The following SYNE1 variants were observed in gnomAD, a reference collection of about 807,000 sequenced individuals.
SYNE1 encodes nesprin-1.
SYNE1 carries 616 observed loss-of-function variants against 1,111.0 expected under a neutral mutation model. The ratio of observed to expected loss-of-function variants is 0.55; its 90% CI spans 0.52 to 0.59. SYNE1 has a LOEUF of 0.59. Ranked by LOEUF, SYNE1 falls within the 20% of genes least tolerant of loss-of-function variation. The pLI is 0.00. For synonymous variants in SYNE1, 3,855 were observed against 3,825.8 expected, an observed-to-expected ratio of 1.01 and a Z score of -0.28; for missense variants, 10,006 against 10,417.0, an observed-to-expected ratio of 0.96 and a Z score of 1.72.
chr6:152,303,761 T>G (rs896256840), intron 91 of SYNE1, among the ~76,000 whole-genome samples: 1 of 152,230 alleles, frequency 6.6e-6, no homozygotes, highest in African/African-American at 2.4e-5. Flanking sequence ...TAGGGAATAA[T>G]GACAAGAAAA....
At chr6:152,522,829 T>C (rs1325512653) in intron 5 of SYNE1, among the ~76,000 whole-genome samples, 1 of 152,130 alleles carries the variant, frequency 6.6e-6, no homozygotes, top group African/African-American at 2.4e-5. Context: ...TTTTTTCATG[T>C]GTATTACTTA....
intron 56 of SYNE1, among the ~76,000 whole-genome samples, chr6:152,379,207 T>C (rs771295208): frequency 3.9e-4 from 60 of 152,216 alleles, no homozygotes; most frequent in Non-Finnish European, 7.3e-4. Context: ...TCCTAAAGTA[T>C]GTCAGTAGAG....
At chr6:152,384,999 G>T (rs1439278132) in intron 55 of SYNE1, among the ~76,000 whole-genome samples, 3 of 151,950 alleles carry the variant, frequency 2.0e-5, no homozygotes, top group Non-Finnish European at 2.9e-5. Flanking sequence ...TAAATTCCTG[G>T]CCACAATTAC....
chr6:152,389,935 T>C (rs1021173856), intron 53 of SYNE1, among the ~76,000 whole-genome samples: 11 of 152,362 alleles, frequency 7.2e-5, no homozygotes, highest in African/African-American at 2.6e-4. Flanking sequence ...ATTTTCCATA[T>C]GTTCCTTAAG....
intron 119 of SYNE1, among the ~76,000 whole-genome samples, chr6:152,220,557 C>T (rs1202020623): frequency 6.6e-6 from 1 of 152,074 alleles, no homozygotes; most frequent in Non-Finnish European, 1.5e-5. Flanking sequence ...ATATTGACCA[C>T]CCTAGAAAAC....
At chr6:152,386,602 T>C (rs957335571) in intron 54 of SYNE1, among the ~76,000 whole-genome samples, 2 of 152,188 alleles carry the variant, frequency 1.3e-5, no homozygotes, top group Non-Finnish European at 2.9e-5. Context: ...TGGAAAGATA[T>C]TTTTGATATT....
At chr6:152,480,885 G>A (rs1171626170) in intron 14 of SYNE1, 1 of 435,200 alleles carries the variant, frequency 2.3e-6, no homozygotes, top group Non-Finnish European at 4.6e-6. Flanking sequence ...TTCATTTCTG[G>A]TTTCTATGCT....
chr6:152,364,529 C>T (rs2097017346), intron 63 of SYNE1, among the ~76,000 whole-genome samples: 2 of 151,454 alleles, frequency 1.3e-5, no homozygotes, highest in African/African-American at 4.9e-5. Context: ...ACCACATTGG[C>T]ACAGTATTCA....
At chr6:152,588,387 T>C (rs1315195991) in intron 3 of SYNE1, among the ~76,000 whole-genome samples, 2 of 152,218 alleles carry the variant, frequency 1.3e-5, no homozygotes, top group African/African-American at 4.8e-5. Context: ...ATTGAAATGA[T>C]CAGTGATACA....
At chr6:152,606,392 G>A (rs1367012400) in intron 3 of SYNE1, among the ~76,000 whole-genome samples, 1 of 152,144 alleles carries the variant, frequency 6.6e-6, no homozygotes, top group Non-Finnish European at 1.5e-5. Context: ...GGGCAAAATT[G>A]TGGTTACAAC....
intron 5 of SYNE1, among the ~76,000 whole-genome samples, chr6:152,522,555 T>C (rs1278776996): frequency 6.6e-6 from 1 of 152,140 alleles, no homozygotes; most frequent in Non-Finnish European, 1.5e-5. Context: ...TGACTTCTTT[T>C]CCTTTGGGTA....
intron 123 of SYNE1, 25 bp from the exon 124 acceptor site, chr6:152,211,613 A>C: frequency 6.3e-7 from 1 of 1,593,264 alleles, no homozygotes; most frequent in Non-Finnish European, 8.6e-7. Context: ...AAAGAAGAAC[A>C]TACTTTAGAG....
rs200111543 is a variant in SYNE1, at chr6:152,352,450, T to C, written c.11254-97A>G. On this transcript the variant is annotated intron_variant, in intron 69 of 145. Transcript: ENST00000367255. ...TGGAGTTTCACTTTGTCACCCAGGC[T>C]AGAGTGCAGTGGCACAATCTTGGCT... 7.8e-6 allele frequency: 10 copies of C among 1,288,486 alleles called. No individual in the cohort carries two copies. In the East Asian group the frequency reaches 2.5e-4, roughly 32 times the overall value. 79.8% of individuals were successfully genotyped at this position (1,288,486 alleles called of 1,614,324 possible). A position where few individuals can be genotyped will look rare whatever the true frequency, so the allele number is the denominator to read the frequency against.
intron 51 of SYNE1, among the ~76,000 whole-genome samples, 200 bp from the exon 52 acceptor site, chr6:152,391,768 TC>T (rs779163109): frequency 1.2e-4 from 19 of 152,052 alleles, no homozygotes; most frequent in Non-Finnish European, 2.8e-4. Flanking sequence ...TCAGTACCTA[TC>T]AGGGGATAAC....
chr6:152,417,066 G>A, intron 40 of SYNE1, 51 bp from the exon 41 acceptor site: 1 of 1,608,278 alleles, frequency 6.2e-7, no homozygotes. Flanking sequence ...ACAGTCTATG[G>A]CAGAGGTATT....
chr6:152,489,324 T>A (rs1018596407), intron 11 of SYNE1, among the ~76,000 whole-genome samples: 1 of 152,192 alleles, frequency 6.6e-6, no homozygotes, highest in African/African-American at 2.4e-5. Context: ...GACAGTGCTG[T>A]GACACAGGTA....
chr6:152,167,951 A>G (rs751777196), intron 130 of SYNE1: 6 of 775,456 alleles, frequency 7.7e-6, no homozygotes, highest in Non-Finnish European at 1.4e-5. Context: ...AAACCAACGA[A>G]TAACTCTTGG....
intron 125 of SYNE1, 114 bp from the exon 126 acceptor site, chr6:152,206,476 G>C: frequency 8.7e-7 from 1 of 1,145,364 alleles, no homozygotes; most frequent in South Asian, 1.3e-5. Flanking sequence ...AGCATTTACC[G>C]TAGTGGTGCT....
In SYNE1 at chr6:152,133,373, A is replaced by G; in HGVS notation, c.25904T>C (p.Val8635Ala). The G allele has an allele frequency of 6.2e-7, 1 of 1,614,164 alleles. No individual in the cohort carries two copies. The change falls in exon 143 of 146, where the codon GTC becomes GCC. Residue 8635 changes from valine to alanine, a missense_variant. Physicochemically the swap from Val to Ala is moderately conservative, Grantham distance 64 (BLOSUM62 0). Transcript: ENST00000367255. ...GTDCLEAKEKVHVIGNRLKLL... is the reference protein window; with the variant it reads ...GTDCLEAKEKAHVIGNRLKLL... Reference sequence around the variant, plus strand: ...TTTGAGCCGATTTCCAATAACATGGACTTTTTCTTTGGCTTCTAAACAGTC... The same window carrying G: ...TTTGAGCCGATTTCCAATAACATGGGCTTTTTCTTTGGCTTCTAAACAGTC...
Sources: gnomAD v4.1 joint callset for allele counts (sites outside exome capture counted in the v4.1 genomes callset) on GRCh38, gnomAD v4.1.1 for gene constraint, MANE v1.5 for transcripts, NCBI Gene and HGNC (gene_info 2026-07-23, HGNC 2026-07-21) for gene names.